KAZN: variants seen among roughly 807,000 people sequenced by gnomAD.
The protein encoded by KAZN is kazrin.
Under a neutral mutation model 87.4 loss-of-function variants are expected in KAZN, and 40 were observed. The ratio of observed to expected loss-of-function variants is 0.46; its 90% confidence interval spans 0.36 to 0.60. The LOEUF (loss-of-function observed/expected upper bound fraction) is 0.60, where lower values mean the gene tolerates loss of function less well. KAZN is among the 20% of genes least tolerant of loss of function. KAZN has a pLI of 0.00. For missense variants in KAZN, 898 were observed against 1,073.9 expected, an observed-to-expected ratio of 0.84 and a Z score of 2.29; for synonymous variants, 466 against 458.3, an observed-to-expected ratio of 1.02 and a Z score of -0.22.
At chr1:14,369,735 G>A (rs183292265) in intron 2 of KAZN, among the ~76,000 whole-genome samples, 39 of 152,290 alleles carry the variant, frequency 2.6e-4, no homozygotes, top group Admixed American at 5.2e-4. Flanking sequence ...CAGCCCTTGT[G>A]CCAGTTATGC....
intron 1 of KAZN, among the ~76,000 whole-genome samples, chr1:14,890,641 TC>T (rs1469314882): frequency 6.6e-6 from 1 of 152,138 alleles, no homozygotes; most frequent in Non-Finnish European, 1.5e-5. Context: ...TATACAGACT[TC>T]CGGGCCCCAC....
rs1653557416 is a variant in KAZN, at chr1:14,883,318, A to AGAGAGAGAGAGAG, written c.227-77366_227-77365insGAGAGAGAGAGAG. Among the ~76,000 whole-genome samples the AGAGAGAGAGAGAG allele has an allele frequency of 1.6e-4, 6 of 38,592 alleles. 1 individual carries two copies. Among genetic ancestry groups the AGAGAGAGAGAGAG allele is most frequent in the South Asian group, 1.6e-3 (1 of 634 alleles). The allele number at this position is 38,592 out of a possible 152,430, so 25.3% of individuals were successfully genotyped here. ...CTCAAAAGAAAGAAAGAAAGAAAGAAAGAGAGAGAGAGAGAGAGAGAGAGA... is the reference window on the plus strand; with the variant it reads ...CTCAAAAGAAAGAAAGAAAGAAAGAAGAGAGAGAGAGAGAGAGAGAGAGAGAGAGAGAGAGAGA... On this transcript the variant is annotated intron_variant, in intron 1 of 14. Coordinates refer to ENST00000376030, the MANE Select transcript of KAZN (RefSeq NM_201628.3).
chr1:14,689,745 C>G (rs1353609177), intron 1 of KAZN, among the ~76,000 whole-genome samples: 1 of 152,236 alleles, frequency 6.6e-6, no homozygotes. Flanking sequence ...AAGCCCACCC[C>G]TCAGGGGCTG....
intron 1 of KAZN, among the ~76,000 whole-genome samples, chr1:14,959,544 C>T (rs537186055): frequency 1.3e-5 from 2 of 152,268 alleles, no homozygotes; most frequent in African/African-American, 4.8e-5. Flanking sequence ...AGGGTGGGGG[C>T]GGCCCGGTGA....
At chr1:14,208,817 T>C (rs907858952) in intron 2 of KAZN, among the ~76,000 whole-genome samples, 9 of 152,214 alleles carry the variant, frequency 5.9e-5, no homozygotes, top group African/African-American at 2.2e-4. Context: ...CTTGAGGGGT[T>C]GAGTCACGGC....
chr1:15,025,696 CTA>C (rs1419980344), intron 2 of KAZN, among the ~76,000 whole-genome samples: 1 of 152,196 alleles, frequency 6.6e-6, no homozygotes, highest in African/African-American at 2.4e-5. Flanking sequence ...GAGAGAGAGT[CTA>C]TGGGTCATCT....
chr1:14,735,518 A>G lies in KAZN; in HGVS notation c.226+136295A>G, dbSNP rs1208953266. Among the ~76,000 whole-genome samples the G allele has an allele frequency of 6.6e-6, 1 of 152,082 alleles. No homozygotes were observed. The highest frequency in any genetic ancestry group is 2.4e-5 in the African/African-American group (1 of 41,402). On this transcript the variant is annotated intron_variant, in intron 1 of 14. Transcript: ENST00000376030. The surrounding 1 kb of genome is among the most constrained non-coding windows in gnomAD (Gnocchi z 4.3). ...CCCCATACACAAAGCCTGAGTGTCA[A>G]AGCCTCGCTGGTAGCCAGGCTCAGA...
chr1:14,181,441 C>G (rs376188181), intron 2 of KAZN, among the ~76,000 whole-genome samples: 1 of 152,154 alleles, frequency 6.6e-6, no homozygotes, highest in Non-Finnish European at 1.5e-5. Context: ...ACTGTGGTTT[C>G]TTTGCTTTTG....
In KAZN at chr1:15,096,467, GC is replaced by G. The variant is rs1381905553; in HGVS notation, c.1547+1539del. ...CAGGGGTGCGGCCTGCCCAGCCCCT[GC>G]CCCCGACAGCCTCGTCCCCCAGCAT... On this transcript the variant is annotated intron_variant, in intron 10 of 14. Transcript: ENST00000376030. The surrounding 1 kb of genome is among the most constrained non-coding windows in gnomAD (Gnocchi z 4.5). 6.6e-6 allele frequency among the ~76,000 whole-genome samples: 1 copy of G among 152,196 alleles called. No individual in the cohort carries two copies. The highest frequency in any genetic ancestry group is 1.5e-5 in the Non-Finnish European group (1 of 68,016).
chr1:14,918,600 C>T lies in KAZN; in HGVS notation c.227-42084C>T, dbSNP rs921479090. Among the ~76,000 whole-genome samples, 31 of 147,324 alleles carry T rather than the reference C, an allele frequency of 2.1e-4. 1 individual carries two copies. The highest frequency in any genetic ancestry group is 1.5e-5 in the Non-Finnish European group (1 of 67,244). Reference sequence around the variant, plus strand: ...CTGAGACAGGAGAATTGCTTGAACTCGGGCAGCAGAGGTTGCAGTGAGCTG... The same window carrying T: ...CTGAGACAGGAGAATTGCTTGAACTTGGGCAGCAGAGGTTGCAGTGAGCTG... On this transcript the variant is annotated intron_variant, in intron 1 of 14. Transcript: ENST00000376030.
At chr1:14,463,506 T>C (rs1191992662) in intron 2 of KAZN, among the ~76,000 whole-genome samples, 1 of 152,198 alleles carries the variant, frequency 6.6e-6, no homozygotes, top group Non-Finnish European at 1.5e-5. Flanking sequence ...AAGGTGCTTC[T>C]AAAACAGTTG....
chr1:14,869,152 A>T (rs1216079180), intron 1 of KAZN, among the ~76,000 whole-genome samples: 26 of 152,184 alleles, frequency 1.7e-4, no homozygotes, highest in Non-Finnish European at 2.9e-5. Context: ...TTGGGATCGA[A>T]GTTTAGTATT....
intron 1 of KAZN, among the ~76,000 whole-genome samples, chr1:14,049,145 A>C (rs1035088729): frequency 1.3e-5 from 2 of 152,188 alleles, no homozygotes; most frequent in South Asian, 2.1e-4. Context: ...ATAAAAAATG[A>C]TGAGTTCATG....
intron 8 of KAZN, among the ~76,000 whole-genome samples, chr1:15,086,901 G>A (rs1336205819): frequency 6.6e-6 from 1 of 152,252 alleles, no homozygotes; most frequent in Admixed American, 6.5e-5. Flanking sequence ...ATTATCTGGT[G>A]GGTTATGAAG....
intron 1 of KAZN, chr1:14,929,985 C>T (rs1158988808): frequency 1.8e-5 from 18 of 985,398 alleles, no homozygotes; most frequent in African/African-American, 1.2e-4. Context: ...GGCATTAGCC[C>T]GTCATGTGCT....
At chr1:14,163,591 T>C (rs188473176) in intron 1 of KAZN, among the ~76,000 whole-genome samples, 2 of 152,334 alleles carry the variant, frequency 1.3e-5, no homozygotes, top group East Asian at 1.9e-4. Flanking sequence ...ATTTGAAAAC[T>C]GCTGATCACC....
intron 2 of KAZN, among the ~76,000 whole-genome samples, chr1:14,466,413 G>C (rs370436441): frequency 1.3e-5 from 2 of 152,190 alleles, no homozygotes; most frequent in African/African-American, 4.8e-5. Flanking sequence ...CAAATGCTGC[G>C]TGTTCTCACT....
intron 1 of KAZN, among the ~76,000 whole-genome samples, chr1:14,173,229 A>AG (rs1645994152): frequency 6.6e-6 from 1 of 152,212 alleles, no homozygotes; most frequent in African/African-American, 2.4e-5. Flanking sequence ...GTGAAGAAAG[A>AG]GTACAAGCAT....
chr1:14,842,988 T>C (rs1648200555), intron 1 of KAZN, among the ~76,000 whole-genome samples: 1 of 152,180 alleles, frequency 6.6e-6, no homozygotes, highest in Non-Finnish European at 1.5e-5. Context: ...ACATCTCTTA[T>C]AGACATTATC....
Sources: allele counts gnomAD v4.1 joint callset (sites outside exome capture counted in the v4.1 genomes callset), GRCh38; gene constraint gnomAD v4.1.1; non-coding constraint Gnocchi (gnomAD v3.1); transcripts MANE v1.5; gene names NCBI Gene and HGNC (gene_info 2026-07-23, HGNC 2026-07-21).